Variants in SEZ6L observed in about 807,000 individuals in gnomAD.
SEZ6L encodes seizure related 6 homolog like, also known as seizure 6-like protein.
SEZ6L carries 37 observed loss-of-function variants against 106.2 expected under a neutral mutation model. The ratio of observed to expected loss-of-function variants is 0.35; its 90% CI spans 0.27 to 0.46. The LOEUF (loss-of-function observed/expected upper bound fraction) is 0.46. Ranked by LOEUF, SEZ6L falls within the 20% of genes least tolerant of loss-of-function variation. SEZ6L has a pLI of 1.00. For missense variants in SEZ6L, 1,172 were observed against 1,332.8 expected, an observed-to-expected ratio of 0.88 and a Z score of 1.88; for synonymous variants, 541 against 570.4, an observed-to-expected ratio of 0.95 and a Z score of 0.73.
At position 26,169,502 on chromosome 22, in the gene SEZ6L, C is replaced by T. The variant is rs1007597223; in HGVS notation, c.-168C>T. 8.4e-6 allele frequency: 3 copies of T among 357,074 alleles called. No individual in the cohort carries two copies. Among genetic ancestry groups the T allele is most frequent in the African/African-American group, 6.4e-5 (3 of 46,840 alleles). The allele number at this position is 357,074 out of a possible 1,614,324, so 22.1% of individuals were successfully genotyped here. On this transcript the variant is annotated 5_prime_UTR_variant, in exon 1 of 17. Transcript: ENST00000248933. Reference sequence around the variant, plus strand: ...CCCGGCGCAGCTCGGCCAGAGCGACCGCGGGGCTGAGCGCGCGTCCGCCCA... The same window carrying T: ...CCCGGCGCAGCTCGGCCAGAGCGACTGCGGGGCTGAGCGCGCGTCCGCCCA...
At chr22:26,226,511 C>A (rs902915698) in intron 1 of SEZ6L, among the ~76,000 whole-genome samples, 4 of 152,218 alleles carry the variant, frequency 2.6e-5, no homozygotes, top group Non-Finnish European at 4.4e-5. Flanking sequence ...GAATCAAGTT[C>A]TTTTCCTTCA....
rs774175245 is a variant in SEZ6L, at chr22:26,365,459, C to T, written c.2687C>T (p.Ser896Phe). ...LYKRLYLPGE[S>F]LTFMCYEGFE... ...AAGCGACTCTACCTGCCAGGAGAGT[C>T]CCTCACCTTCATGTGCTACGAAGGC... Residue 896 changes from serine (S) to phenylalanine (F), a missense_variant, in exon 13 of 17, where the codon TCC (serine) becomes TTC (phenylalanine). Transcript: ENST00000248933. The T allele has an allele frequency of 1.2e-6, 2 of 1,614,168 alleles. No homozygotes were observed.
intron 1 of SEZ6L, among the ~76,000 whole-genome samples, chr22:26,216,014 C>T (rs922697764): frequency 3.3e-5 from 5 of 152,192 alleles, no homozygotes; most frequent in Non-Finnish European, 1.5e-5. Context: ...CTAGGTGAAG[C>T]CACGGAAATT....
At chr22:26,235,397 A>C (rs775413583) in intron 1 of SEZ6L, among the ~76,000 whole-genome samples, 1 of 152,210 alleles carries the variant, frequency 6.6e-6, no homozygotes, top group African/African-American at 2.4e-5. Context: ...ACATTTACTC[A>C]ATATTCACCA....
intron 10 of SEZ6L, among the ~76,000 whole-genome samples, chr22:26,342,723 T>A (rs1185340568): frequency 1.3e-5 from 2 of 151,272 alleles, no homozygotes; most frequent in Non-Finnish European, 2.9e-5. Context: ...AAAAGAATTG[T>A]CCATCTCTAA....
In SEZ6L at chr22:26,296,836, T is replaced by C. The variant is rs377729167; in HGVS notation, c.970-52T>C. The C allele has an allele frequency of 2.9e-5, 42 of 1,445,936 alleles. No homozygotes were observed. In the African/African-American group the frequency reaches 5.7e-4, roughly 20 times the overall value. The allele number at this position is 1,445,936 out of a possible 1,614,324, so 89.6% of individuals were successfully genotyped here. On this transcript the variant is annotated intron_variant, in intron 3 of 16. Transcript: ENST00000248933. ...ACTTCTTTGCAACCTTAGAAGGCTC[T>C]GTCTCAAACACAACTCAGAGTTCCT...
rs1556124261 is a variant in SEZ6L at position 26,219,255 on chromosome 22, T to TG, written c.94+49492_94+49493insG. On this transcript the variant is annotated intron_variant, in intron 1 of 16. Coordinates refer to ENST00000248933, the MANE Select transcript of SEZ6L (RefSeq NM_021115.5). ...ATAGAAGATGTTCGAGAAATACAAGTTTTTTTTTTTTTTTTCGCTCCTGGC... is the reference window on the plus strand; with the variant it reads ...ATAGAAGATGTTCGAGAAATACAAGTGTTTTTTTTTTTTTTTCGCTCCTGGC... Among the ~76,000 whole-genome samples the TG allele has an allele frequency of 3.3e-3, 19 of 5,738 alleles. 2 individuals carry two copies. Among genetic ancestry groups the TG allele is most frequent in the Non-Finnish European group, 9.0e-3 (8 of 888 alleles). The allele number at this position is 5,738 out of a possible 152,430, so 3.8% of individuals were successfully genotyped here.
chr22:26,305,951 A>T, intron 5 of SEZ6L, 28 bp from the exon 6 acceptor site: 4 of 1,436,428 alleles, frequency 2.8e-6, no homozygotes, highest in Non-Finnish European at 3.9e-6. Flanking sequence ...GCTCTCTCCC[A>T]TTGCCCACCC....
intron 9 of SEZ6L, among the ~76,000 whole-genome samples, chr22:26,318,838 A>T (rs897590718): frequency 6.6e-6 from 1 of 152,184 alleles, no homozygotes; most frequent in Non-Finnish European, 1.5e-5. Context: ...TGTGTAAGGT[A>T]TGATCTATTC....
chr22:26,342,486 G>A (rs899087788), intron 10 of SEZ6L, among the ~76,000 whole-genome samples: 3 of 151,442 alleles, frequency 2.0e-5, no homozygotes, highest in East Asian at 1.9e-4. Flanking sequence ...TCAGGAGATC[G>A]AGACCATCCT....
At position 26,379,255 on chromosome 22, in the gene SEZ6L, CAGAGAG is replaced by C; in HGVS notation, c.3046-1006_3046-1001del. ...CAGCTGGCTTCTTCAGAGCCAGCAA[CAGAGAG>C]AGAGTCATCTTGCAAGACAGAAGTC... On this transcript the variant is annotated intron_variant, in intron 16 of 16. Coordinates refer to ENST00000248933, the MANE Select transcript of SEZ6L (RefSeq NM_021115.5). 2.6e-5 allele frequency among the ~76,000 whole-genome samples: 4 copies of C among 152,320 alleles called. No homozygotes were observed. In the East Asian group the frequency reaches 7.7e-4, roughly 29 times the overall value.
intron 1 of SEZ6L, among the ~76,000 whole-genome samples, chr22:26,278,236 T>C: frequency 6.6e-6 from 1 of 152,232 alleles, no homozygotes; most frequent in Non-Finnish European, 1.5e-5. Flanking sequence ...GAAGCAGGGC[T>C]TTCCTAACAG....
chr22:26,254,989 T>G (rs1292694837), intron 1 of SEZ6L, among the ~76,000 whole-genome samples: 4 of 152,222 alleles, frequency 2.6e-5, no homozygotes, highest in African/African-American at 9.6e-5. Context: ...AGCCACTGTT[T>G]CCAGTTTCCT....
intron 14 of SEZ6L, among the ~76,000 whole-genome samples, chr22:26,375,103 G>C (rs1430033315): frequency 6.6e-6 from 1 of 152,082 alleles, no homozygotes; most frequent in Non-Finnish European, 1.5e-5. Context: ...CCTTGCGGCT[G>C]ACCACCAGCA....
chr22:26,255,360 G>A (rs78487378), intron 1 of SEZ6L, among the ~76,000 whole-genome samples: 3 of 152,056 alleles, frequency 2.0e-5, no homozygotes, highest in African/African-American at 7.2e-5. Context: ...TTCCTATCTG[G>A]GTGGCCTTCA....
chr22:26,330,618 G>A (rs1253064533), intron 9 of SEZ6L, among the ~76,000 whole-genome samples: 1 of 152,146 alleles, frequency 6.6e-6, no homozygotes, highest in Non-Finnish European at 1.5e-5. Context: ...CAAGAGATGG[G>A]CTGAGACCCA....
chr22:26,373,695 G>C (rs2084120611), intron 14 of SEZ6L, among the ~76,000 whole-genome samples: 1 of 152,152 alleles, frequency 6.6e-6, no homozygotes. Flanking sequence ...AAAGGGATTT[G>C]ACAGCTGTTC....
chr22:26,334,977 C>T (rs191247737), intron 9 of SEZ6L, among the ~76,000 whole-genome samples: 10 of 152,276 alleles, frequency 6.6e-5, no homozygotes, highest in Admixed American at 4.6e-4. Context: ...CTCCTTGGAT[C>T]GTATCTAGCT....
chr22:26,186,705 C>A (rs1013409664), intron 1 of SEZ6L, among the ~76,000 whole-genome samples: 6 of 152,084 alleles, frequency 3.9e-5, no homozygotes, highest in African/African-American at 1.4e-4. Context: ...TAGCAGGATT[C>A]TTTGCTAAAA....
Sources: allele counts gnomAD v4.1 joint callset (sites outside exome capture counted in the v4.1 genomes callset), GRCh38; gene constraint gnomAD v4.1.1; transcripts MANE v1.5; gene names NCBI Gene and HGNC (gene_info 2026-07-23, HGNC 2026-07-21).